Variants in TRIM39 observed in about 807,000 individuals in gnomAD.
The protein encoded by TRIM39 is E3 ubiquitin-protein ligase TRIM39.
Under a neutral mutation model 53.6 loss-of-function variants are expected in TRIM39, and 5 were observed. The ratio of observed to expected loss-of-function variants is 0.09; its 90% CI spans 0.05 to 0.20. TRIM39 has a LOEUF of 0.20. Ranked by LOEUF, TRIM39 falls within the 10% of genes least tolerant of loss-of-function variation. TRIM39 has a pLI of 1.00. For synonymous variants in TRIM39, 196 were observed against 237.6 expected (o/e 0.82, Z 1.61); for missense variants, 310 against 621.0 (o/e 0.50, Z 5.32).
Position 30,329,789 on chromosome 6 carries a change from G to A in TRIM39, c.453+19G>A. ...GTACAAGGTGGGGAAGCAGACACAC[G>A]ATGTCAGTGTGGGTAAAAAGGGAGA... On this transcript the variant is annotated intron_variant, in intron 3 of 7. Transcript: ENST00000396551. The A allele has an allele frequency of 2.5e-6, 4 of 1,603,496 alleles. No individual in the cohort carries two copies. Among genetic ancestry groups the A allele is most frequent in the East Asian group, 2.2e-5 (1 of 44,718 alleles).
In TRIM39 at chr6:30,342,341, C is replaced by A; in HGVS notation, c.*82C>A. The A allele has an allele frequency of 6.9e-7, 1 of 1,450,172 alleles. No individual in the cohort carries two copies. The highest frequency in any genetic ancestry group is 9.5e-7 in the Non-Finnish European group (1 of 1,051,406). 89.8% of individuals were successfully genotyped at this position (1,450,172 alleles called of 1,614,324 possible). A position where few individuals can be genotyped will look rare whatever the true frequency, so the allele number is the denominator to read the frequency against. On this transcript the variant is annotated 3_prime_UTR_variant, in exon 8 of 8. Transcript: ENST00000396551. This position sits in a 1 kb window ranked among gnomAD's most constrained non-coding sequence, Gnocchi z 4.7. ...TTCCCGTGTCCTGCTGGAACGTCTT[C>A]GTGTCCACCTGGGTCCAGTCCTGAA... is the stretch of plus-strand genomic sequence containing the variant.
intron 5 of TRIM39, among the ~76,000 whole-genome samples, chr6:30,337,041 G>A (rs115544616): frequency 0.011 from 1,641 of 152,296 alleles, 21 homozygotes; most frequent in Non-Finnish European, 0.019. Context: ...GTGATCAAGT[G>A]CATTGTCAGT....
chr6:30,331,255 C>G (rs1456413442), intron 4 of TRIM39, among the ~76,000 whole-genome samples: 1 of 145,820 alleles, frequency 6.9e-6, no homozygotes, highest in Non-Finnish European at 1.5e-5. Flanking sequence ...GGCAACAGAG[C>G]AAGGCTCTGT....
At chr6:30,340,043 G>T in intron 6 of TRIM39, 113 bp downstream of exon 6, 1 of 1,512,142 alleles carries the variant, frequency 6.6e-7, no homozygotes, top group Non-Finnish European at 9.1e-7. Context: ...GTGTGTCTGG[G>T]CAGGGTATGG....
At chr6:30,333,552 AGGGTT>A in intron 4 of TRIM39, among the ~76,000 whole-genome samples, 1 of 151,686 alleles carries the variant, frequency 6.6e-6, no homozygotes, top group South Asian at 2.1e-4. Context: ...TAGTAGAGAC[AGGGTT>A]TCACCGTGTT....
At chr6:30,332,554 T>C (rs1786312501) in intron 4 of TRIM39, among the ~76,000 whole-genome samples, 1 of 152,244 alleles carries the variant, frequency 6.6e-6, no homozygotes, top group African/African-American at 2.4e-5. Flanking sequence ...AGTAAGCATT[T>C]GAAATTTTAA....
chr6:30,336,915 T>A (rs1366497928), intron 5 of TRIM39, among the ~76,000 whole-genome samples: 1 of 152,230 alleles, frequency 6.6e-6, no homozygotes, highest in Non-Finnish European at 1.5e-5. Flanking sequence ...GAAATACATT[T>A]ATTAAGACTT....
intron 4 of TRIM39, among the ~76,000 whole-genome samples, chr6:30,331,668 G>C (rs1343288932): frequency 1.3e-5 from 2 of 152,206 alleles, no homozygotes; most frequent in Non-Finnish European, 2.9e-5. Flanking sequence ...ACATATGCTA[G>C]AATGTTCTCC....
chr6:30,333,332 G>A (rs1056176836), intron 4 of TRIM39, among the ~76,000 whole-genome samples: 1 of 150,462 alleles, frequency 6.6e-6, no homozygotes, highest in African/African-American at 2.4e-5. Flanking sequence ...TCAAGCCCAG[G>A]CCTATGTTTT....
chr6:30,340,708 A>G (rs988782417), intron 7 of TRIM39, 88 bp downstream of exon 7: 21 of 1,378,488 alleles, frequency 1.5e-5, no homozygotes, highest in African/African-American at 7.3e-5. Context: ...CAGTTATCCT[A>G]TGTCTCACTT....
At chr6:30,343,461 T>A (rs746300445) in exon 8 of TRIM39, 1 of 152,636 alleles carries the variant, frequency 6.6e-6, no homozygotes, top group Middle Eastern at 3.2e-3. Context: ...AAACAACTTA[T>A]AGGGTACATA....
At position 30,338,060 on chromosome 6, in the gene TRIM39, G is replaced by A. The variant is rs991630788; in HGVS notation, c.781-1848G>A. On this transcript the variant is annotated intron_variant, in intron 5 of 7. Coordinates refer to ENST00000396551, the Ensembl canonical transcript of TRIM39. The surrounding 1 kb of genome is among the most constrained non-coding windows in gnomAD (Gnocchi z 4.0). ...TCTCAGCTTTCATAGAACTGAAGGA[G>A]TTAACAGCCTTGCTCTGGATTGGGC... 2.0e-5 allele frequency among the ~76,000 whole-genome samples: 3 copies of A among 152,330 alleles called. No homozygotes were observed. In the East Asian group the frequency reaches 5.8e-4, roughly 29 times the overall value.
chr6:30,341,422 AATG>A, intron 7 of TRIM39: 3 of 679,736 alleles, frequency 4.4e-6, no homozygotes, highest in Non-Finnish European at 8.3e-6. Context: ...TAGTGAGATA[AATG>A]ATAATGTCAG....
At chr6:30,329,202 T>G in intron 2 of TRIM39, 109 bp from the exon 3 acceptor site, 1 of 1,269,564 alleles carries the variant, frequency 7.9e-7, no homozygotes, top group Non-Finnish European at 1.1e-6. Flanking sequence ...AAATCTGGAG[T>G]TAGGACTTAA....
intron 4 of TRIM39, among the ~76,000 whole-genome samples, chr6:30,334,282 T>C (rs1037817246): frequency 3.5e-5 from 5 of 143,526 alleles, no homozygotes; most frequent in African/African-American, 1.3e-4. Flanking sequence ...CTTTGCTTCA[T>C]CATCAGTCAC....
Position 30,328,805 on chromosome 6 carries a change from A to C in TRIM39, c.-160-84A>C, listed in dbSNP as rs187146439. 369 of 153,478 alleles carry C rather than the reference A, an allele frequency of 2.4e-3. 1 individual carries two copies. Among genetic ancestry groups the C allele is most frequent in the Middle Eastern group, 0.014 (4 of 294 alleles). The allele number at this position is 153,478 out of a possible 1,614,324, so 9.5% of individuals were successfully genotyped here. ...ATCAAGCTTAGACTCCAGTGGATTA[A>C]TCATAAAGCTCTTATAACATTAAAC... On this transcript the variant is annotated intron_variant, in intron 1 of 7. Coordinates refer to ENST00000396551, the Ensembl canonical transcript of TRIM39.
intron 1 of TRIM39, among the ~76,000 whole-genome samples, chr6:30,328,535 A>G (rs1001683465): frequency 6.6e-6 from 1 of 152,180 alleles, no homozygotes; most frequent in Non-Finnish European, 1.5e-5. Context: ...GAGCAGTGGT[A>G]TCTAACCCTT....
chr6:30,328,117 ATTC>A (rs766441759), intron 1 of TRIM39, among the ~76,000 whole-genome samples: 15 of 152,196 alleles, frequency 9.9e-5, no homozygotes, highest in Non-Finnish European at 1.6e-4. Flanking sequence ...TGCATTTCCA[ATTC>A]TTCTGAGGCT....
At chr6:30,340,851 A>G (rs376796261) in intron 7 of TRIM39, among the ~76,000 whole-genome samples, 17 of 152,322 alleles carry the variant, frequency 1.1e-4, no homozygotes, top group African/African-American at 3.9e-4. Flanking sequence ...AGACCCAGAA[A>G]GGTTAAATAA....
Sources: gnomAD v4.1 joint callset for allele counts (sites outside exome capture counted in the v4.1 genomes callset) on GRCh38, gnomAD v4.1.1 for gene constraint, Gnocchi (gnomAD v3.1) non-coding constraint, MANE v1.5 for transcripts, NCBI Gene and HGNC (gene_info 2026-07-23, HGNC 2026-07-21) for gene names.